Variants in CDH18 observed in about 807,000 individuals in gnomAD.
CDH18 encodes the protein cadherin 18, also known as cadherin-18.
A neutral mutation model predicts 67.9 loss-of-function variants in CDH18; 31 were observed. The observed-to-expected ratio is 0.46, with a 90% CI of 0.34 to 0.62. The LOEUF (loss-of-function observed/expected upper bound fraction) is 0.62, where lower values mean the gene tolerates loss of function less well. CDH18 is among the 20% of genes least tolerant of loss of function. The probability of loss-of-function intolerance (pLI) is 0.01; values close to 1 mark genes in which losing one functional copy is unlikely to be tolerated. For synonymous variants in CDH18, 362 were observed against 347.2 expected (o/e 1.04, Z -0.48); for missense variants, 890 against 975.5 (o/e 0.91, Z 1.17).
chr5:20,152,265 A>T (rs1012227919), intron 2 of CDH18, among the ~76,000 whole-genome samples: 10 of 146,530 alleles, frequency 6.8e-5, no homozygotes, highest in Non-Finnish European at 4.5e-5. Context: ...ACAATTATAT[A>T]TAAAAACTAT....
intron 9 of CDH18, among the ~76,000 whole-genome samples, chr5:19,525,774 T>C (rs1470288575): frequency 6.6e-6 from 1 of 152,208 alleles, no homozygotes; most frequent in Non-Finnish European, 1.5e-5. Context: ...TATTATTTCT[T>C]GTGTCCTTGG....
intron 1 of CDH18, among the ~76,000 whole-genome samples, chr5:20,354,561 G>A (rs530648289): frequency 6.6e-5 from 10 of 152,144 alleles, no homozygotes; most frequent in Middle Eastern, 6.8e-3. Flanking sequence ...CACCCCACAC[G>A]TGGCGATTTT....
chr5:20,515,723 TA>T (rs111827945), intron 1 of CDH18, among the ~76,000 whole-genome samples: 12,815 of 152,126 alleles, frequency 0.084, 1,387 homozygotes, highest in African/African-American at 0.26. Flanking sequence ...AATTACTAGC[TA>T]ATTGAATTCT....
At chr5:20,185,166 C>T (rs1183557715) in intron 2 of CDH18, among the ~76,000 whole-genome samples, 2 of 151,994 alleles carry the variant, frequency 1.3e-5, no homozygotes, top group Non-Finnish European at 2.9e-5. Context: ...ATCTCACATG[C>T]CATATCAAAT....
intron 2 of CDH18, among the ~76,000 whole-genome samples, chr5:20,251,523 G>C (rs1743857633): frequency 6.6e-6 from 1 of 152,124 alleles, no homozygotes. Context: ...CAAAAAAATT[G>C]TATTTGCAAT....
At chr5:19,928,702 T>C (rs1450343100) in intron 2 of CDH18, among the ~76,000 whole-genome samples, 2 of 152,110 alleles carry the variant, frequency 1.3e-5, no homozygotes, top group African/African-American at 2.4e-5. Flanking sequence ...GGAATGAACC[T>C]GGGAAGAAAA....
At chr5:19,626,981 T>A (rs1220843060) in intron 5 of CDH18, among the ~76,000 whole-genome samples, 1 of 152,232 alleles carries the variant, frequency 6.6e-6, no homozygotes, top group Non-Finnish European at 1.5e-5. Flanking sequence ...GAAAACTCAC[T>A]ACTTTCAAAT....
At chr5:19,489,395 C>T (rs900839527) in intron 11 of CDH18, among the ~76,000 whole-genome samples, 3 of 151,630 alleles carry the variant, frequency 2.0e-5, no homozygotes, top group Admixed American at 6.6e-5. Context: ...CTACAGGCGC[C>T]CGCCACCACA....
chr5:20,147,487 C>A (rs991661686), intron 2 of CDH18, among the ~76,000 whole-genome samples: 2 of 151,896 alleles, frequency 1.3e-5, no homozygotes, highest in Non-Finnish European at 2.9e-5. Context: ...AAATTAAAAT[C>A]TTTTAATTTC....
In CDH18 at chr5:19,565,667, A is replaced by G. The variant is rs575730339; in HGVS notation, c.1253+5912T>C. 6.6e-5 allele frequency among the ~76,000 whole-genome samples: 10 copies of G among 152,348 alleles called. No homozygotes were observed. The East Asian group carries it at 1.9e-3, about 29-fold the overall frequency. ...GTGGTGCTGGGAAAACTGCATATCCATATACACATAATTGAAACCAGACCC... is the reference window on the plus strand; with the variant it reads ...GTGGTGCTGGGAAAACTGCATATCCGTATACACATAATTGAAACCAGACCC... On this transcript the variant is annotated intron_variant, in intron 8 of 12. Transcript: ENST00000382275.
intron 4 of CDH18, among the ~76,000 whole-genome samples, chr5:19,725,525 T>C (rs1417312839): frequency 1.3e-5 from 2 of 152,092 alleles, no homozygotes; most frequent in Non-Finnish European, 1.5e-5. Context: ...ATCCCAGCAA[T>C]TTGGGAGGCC....
In CDH18 at chr5:20,413,626, G is replaced by T. The variant is rs985952793; in HGVS notation, c.-579-158121C>A. Among the ~76,000 whole-genome samples, 6 of 152,162 alleles carry T rather than the reference G, an allele frequency of 3.9e-5. No homozygotes were observed. The East Asian group carries it at 1.2e-3, about 29-fold the overall frequency. ...AAATGTCTTCTTTTGAAAAGTGTCT[G>T]TTGATATCCTTTGCCCACTTTTTGT... On this transcript the variant is annotated intron_variant, in intron 1 of 14. Coordinates refer to the CDH18 transcript ENST00000507958.
At chr5:20,493,356 TA>T (rs148292031) in intron 1 of CDH18, among the ~76,000 whole-genome samples, 6,749 of 46,920 alleles carry the variant, frequency 0.14, 318 homozygotes, top group East Asian at 0.34. Context: ...TTCAGAAAAT[TA>T]AAAAAAAAAA....
At chr5:20,235,073 T>C (rs4866048) in intron 2 of CDH18, among the ~76,000 whole-genome samples, 106,389 of 151,956 alleles carry the variant, frequency 0.7, 37,901 homozygotes, top group African/African-American at 0.84. Context: ...GATGGCTATC[T>C]GTACACAGAA....
rs183379601 is a variant in CDH18, at chr5:20,310,766, T to C, written c.-579-55261A>G. Among the ~76,000 whole-genome samples the C allele has an allele frequency of 3.0e-3, 463 of 152,340 alleles. 2 individuals are homozygous for C. Among genetic ancestry groups the C allele is most frequent in the South Asian group, 5.4e-3 (26 of 4,826 alleles). ...CTTCTAGAAACACTTCTTTGTAAGATACATTGAATGCATTGTCCACATTGT... is the reference window on the plus strand; with the variant it reads ...CTTCTAGAAACACTTCTTTGTAAGACACATTGAATGCATTGTCCACATTGT... On this transcript the variant is annotated intron_variant, in intron 1 of 14. Coordinates refer to the CDH18 transcript ENST00000507958.
intron 10 of CDH18, among the ~76,000 whole-genome samples, chr5:19,509,080 G>C (rs1014258082): frequency 2.0e-5 from 3 of 151,960 alleles, no homozygotes; most frequent in Non-Finnish European, 2.9e-5. Context: ...TGTTGGCCAG[G>C]CTGGTCTAGA....
intron 5 of CDH18, among the ~76,000 whole-genome samples, chr5:19,623,564 G>A (rs1751030178): frequency 6.6e-6 from 1 of 151,762 alleles, no homozygotes; most frequent in Non-Finnish European, 1.5e-5. Context: ...TTTATTCATT[G>A]GCATATTTTT....
At chr5:20,175,111 G>A (rs756645379) in intron 2 of CDH18, among the ~76,000 whole-genome samples, 1 of 152,042 alleles carries the variant, frequency 6.6e-6, no homozygotes, top group Non-Finnish European at 1.5e-5. Context: ...ATGAGAATCC[G>A]AGAAAGAGGG....
intron 2 of CDH18, among the ~76,000 whole-genome samples, chr5:19,928,627 A>G (rs949928112): frequency 2.6e-5 from 4 of 152,156 alleles, no homozygotes; most frequent in African/African-American, 9.7e-5. Flanking sequence ...AGAATGTGTT[A>G]AAAGAAAGAA....
Sources: allele counts gnomAD v4.1 joint callset (sites outside exome capture counted in the v4.1 genomes callset), GRCh38; gene constraint gnomAD v4.1.1; transcripts MANE v1.5; gene names NCBI Gene and HGNC (gene_info 2026-07-23, HGNC 2026-07-21).